The following SCN7A variants were observed in gnomAD, a reference collection of about 807,000 sequenced individuals.
The protein encoded by SCN7A is sodium channel protein type 7 subunit alpha.
SCN7A carries 138 observed loss-of-function variants against 155.2 expected under a neutral mutation model. The observed-to-expected ratio is 0.89, with a 90% CI of 0.77 to 1.02. The LOEUF (loss-of-function observed/expected upper bound fraction) is 1.02. Among genes scored for constraint, SCN7A ranks in the 50% least tolerant of loss-of-function variants. The pLI, the probability that SCN7A is intolerant of heterozygous loss-of-function variation, is 0.00. For synonymous variants in SCN7A, 693 were observed against 649.0 expected (o/e 1.07, Z -1.03); for missense variants, 2,058 against 1,986.6 (o/e 1.04, Z -0.68).
chr2:166,487,201 C>T (rs1703072469), intron 1 of SCN7A, among the ~76,000 whole-genome samples: 1 of 152,134 alleles, frequency 6.6e-6, no homozygotes, highest in Admixed American at 6.6e-5. Flanking sequence ...TAATTACATC[C>T]TTTTTCCTTT....
At chr2:166,413,030 G>C in intron 22 of SCN7A, 38 bp downstream of exon 22, 1 of 1,406,246 alleles carries the variant, frequency 7.1e-7, no homozygotes, top group Non-Finnish European at 9.7e-7. Context: ...GACTTTGCTT[G>C]TATCCTAACA....
intron 2 of SCN7A, among the ~76,000 whole-genome samples, 188 bp from the exon 3 acceptor site, chr2:166,477,898 T>C (rs191000141): frequency 3.5e-4 from 54 of 152,130 alleles, no homozygotes; most frequent in Non-Finnish European, 6.5e-4. Context: ...TGTAATTTCA[T>C]GAGTAACTCA....
Position 166,409,860 on chromosome 2 carries a change from A to G in SCN7A, c.3787T>C (p.Phe1263Leu), listed in dbSNP as rs562440457. Residue 1263 changes from phenylalanine (F) to leucine (L), a missense_variant, in exon 25 of 26, where the codon TTC (phenylalanine) becomes CTC (leucine). Physicochemically the swap from Phe to Leu is conservative, Grantham distance 22. Coordinates refer to ENST00000643258, the MANE Select transcript of SCN7A (RefSeq NM_002976.4). ...TCTATCATCATGGCTATTGCTTGGA[A>G]ACATATAAGAACCATAACAATGACA... ...FNVIVMVLIC[F>L]QAIAMMIDTD... 33 of 1,568,876 alleles carry G rather than the reference A, an allele frequency of 2.1e-5. No homozygotes were observed. In the South Asian group the frequency reaches 3.9e-4, roughly 18 times the overall value.
At chr2:166,480,532 A>T (rs926891083) in intron 2 of SCN7A, among the ~76,000 whole-genome samples, 1 of 151,794 alleles carries the variant, frequency 6.6e-6, no homozygotes, top group African/African-American at 2.4e-5. Flanking sequence ...GAGATCCTTG[A>T]ATATATATTA....
Position 166,441,480 on chromosome 2 carries a change from C to T in SCN7A, c.2073G>A (p.Glu691=), listed in dbSNP as rs1701958262. The T allele has an allele frequency of 6.2e-7, 1 of 1,614,016 alleles. No homozygotes were observed. Among genetic ancestry groups the T allele is most frequent in the Non-Finnish European group, 8.5e-7 (1 of 1,179,954 alleles). ...VFRILCGEWV[E]TLWDCMEVAG... ...CAACCTCCATACAGTCCCACAAGGTCTCTACCCACTCTCCACAGAGAATTC... is the reference window on the plus strand; with the variant it reads ...CAACCTCCATACAGTCCCACAAGGTTTCTACCCACTCTCCACAGAGAATTC... The change falls in exon 15 of 26, where the codon GAG becomes GAA. Residue 691 remains glutamate, a synonymous_variant. Coordinates refer to ENST00000643258, the MANE Select transcript of SCN7A (RefSeq NM_002976.4).
rs550707237 is a variant in SCN7A at position 166,474,534 on chromosome 2, C to T, written c.235-190G>A. Reference sequence around the variant, plus strand: ...ATGTTTTTATTCATATTTAGGCTTGCCTATTTATCTACCATTTTTGTTTTT... The same window carrying T: ...ATGTTTTTATTCATATTTAGGCTTGTCTATTTATCTACCATTTTTGTTTTT... On this transcript the variant is annotated intron_variant, in intron 3 of 25. Transcript: ENST00000643258. Among the ~76,000 whole-genome samples the T allele has an allele frequency of 5.9e-5, 9 of 151,504 alleles. No individual in the cohort carries two copies. In the South Asian group the frequency reaches 1.9e-3, roughly 32 times the overall value.
At chr2:166,437,233 G>A (rs1701858203) in intron 15 of SCN7A, among the ~76,000 whole-genome samples, 1 of 152,200 alleles carries the variant, frequency 6.6e-6, no homozygotes, top group African/African-American at 2.4e-5. Flanking sequence ...TCCCAGCTGT[G>A]GCCAAAAGGG....
At position 166,421,306 on chromosome 2, in the gene SCN7A, T is replaced by C; in HGVS notation, c.3028-9A>G. 1 of 1,436,676 alleles carries C rather than the reference T, an allele frequency of 7.0e-7. No individual in the cohort carries two copies. Among genetic ancestry groups the C allele is most frequent in the Non-Finnish European group, 9.3e-7 (1 of 1,080,172 alleles). The allele number at this position is 1,436,676 out of a possible 1,614,324, so 89.0% of individuals were successfully genotyped here. ...AAGCTAAGACAAAACACCTATATATTTTTTTTAAAAAAAGAGTGAATAGGA... is the reference window on the plus strand; with the variant it reads ...AAGCTAAGACAAAACACCTATATATCTTTTTTAAAAAAAGAGTGAATAGGA... On this transcript the variant is annotated splice_polypyrimidine_tract_variant and intron_variant, in intron 19 of 25. Coordinates refer to ENST00000643258, the MANE Select transcript of SCN7A (RefSeq NM_002976.4).
At position 166,447,228 on chromosome 2, in the gene SCN7A, A is replaced by G. The variant is rs903466822; in HGVS notation, c.1387+384T>C. ...TGTGACTTACAATGTCTAGATATACATGCTTTACAAATTAATGCCTTTTGA... is the reference window on the plus strand; with the variant it reads ...TGTGACTTACAATGTCTAGATATACGTGCTTTACAAATTAATGCCTTTTGA... On this transcript the variant is annotated intron_variant, in intron 12 of 25. Transcript: ENST00000643258. Among the ~76,000 whole-genome samples the G allele has an allele frequency of 3.3e-4, 50 of 152,318 alleles. 1 individual carries two copies. Among genetic ancestry groups the G allele is most frequent in the Non-Finnish European group, 2.5e-4 (17 of 68,028 alleles).
rs752293778 is a variant in SCN7A, at chr2:166,405,637, T to C, written c.4992A>G (p.Lys1664=). The change falls in exon 26 of 26, where the codon AAA becomes AAG. Residue 1664 remains lysine (K), a synonymous_variant. Transcript: ENST00000643258. The part of the protein sequence containing the change: ...IDGDRDVHAT[K]EGAYFDKAKE... ...TAGCTTTGTCAAAATAGGCACCTTC[T>C]TTAGTAGCATGAACATCTCTGTCAC... is the stretch of plus-strand genomic sequence containing the variant. The C allele has an allele frequency of 6.2e-7, 1 of 1,611,138 alleles. No individual in the cohort carries two copies. The highest frequency in any genetic ancestry group is 1.1e-5 in the South Asian group (1 of 90,516).
At position 166,404,215 on chromosome 2, in the gene SCN7A, T is replaced by C. The variant is rs1701017168; in HGVS notation, c.*1365A>G. 6.6e-6 allele frequency: 1 copy of C among 151,920 alleles called. No homozygotes were observed. 9.4% of individuals were successfully genotyped at this position (151,920 alleles called of 1,614,324 possible). On this transcript the variant is annotated 3_prime_UTR_variant, in exon 26 of 26. Coordinates refer to ENST00000643258, the MANE Select transcript of SCN7A (RefSeq NM_002976.4). ...CACATTGAAATCAATCTTCATAAAGTTGGAATAACTCTCAGAATCTCAAAC... is the reference window on the plus strand; with the variant it reads ...CACATTGAAATCAATCTTCATAAAGCTGGAATAACTCTCAGAATCTCAAAC...
intron 12 of SCN7A, among the ~76,000 whole-genome samples, 186 bp downstream of exon 12, chr2:166,447,426 T>A (rs1262999551): frequency 1.3e-5 from 2 of 152,218 alleles, no homozygotes; most frequent in African/African-American, 4.8e-5. Context: ...CTTTGGTCAC[T>A]CTTTCCAATG....
intron 3 of SCN7A, 104 bp downstream of exon 3, chr2:166,477,359 C>A: frequency 3.9e-6 from 3 of 772,280 alleles, no homozygotes; most frequent in Admixed American, 3.5e-5. Context: ...CAGATCTTTC[C>A]CTGTTTTTCA....
intron 1 of SCN7A, among the ~76,000 whole-genome samples, chr2:166,489,772 G>A (rs1041772962): frequency 6.6e-6 from 1 of 151,996 alleles, no homozygotes; most frequent in Non-Finnish European, 1.5e-5. Context: ...GTCCAGTTTG[G>A]CTTCAGGTTC....
At chr2:166,431,878 C>T (rs1382603685) in intron 16 of SCN7A, among the ~76,000 whole-genome samples, 1 of 151,986 alleles carries the variant, frequency 6.6e-6, no homozygotes, top group East Asian at 1.9e-4. Flanking sequence ...TTCAATCTCC[C>T]ATTTTAAGAT....
rs565156021 is a variant in SCN7A at position 166,431,019 on chromosome 2, T to A, written c.2592+1299A>T. 7.8e-4 allele frequency among the ~76,000 whole-genome samples: 119 copies of A among 152,100 alleles called. 1 individual carries two copies. The highest frequency in any genetic ancestry group is 6.8e-3 in the Middle Eastern group (2 of 294). On this transcript the variant is annotated intron_variant, in intron 16 of 25. Transcript: ENST00000643258. ...ATGCAGCATAAATAAAAACTGCAAT[T>A]TCAATATTTACAGTTATTTTAAGTT...
intron 2 of SCN7A, among the ~76,000 whole-genome samples, chr2:166,482,776 AT>A (rs1186717948): frequency 2.0e-5 from 3 of 151,314 alleles, no homozygotes; most frequent in African/African-American, 7.3e-5. Context: ...AAAAAAAAAA[AT>A]GCAAGCACTT....
intron 12 of SCN7A, among the ~76,000 whole-genome samples, chr2:166,447,333 T>C (rs1702085495): frequency 6.6e-6 from 1 of 152,190 alleles, no homozygotes; most frequent in South Asian, 2.1e-4. Context: ...ATATTAATGT[T>C]ATATACCACA....
rs1156730503 is a variant in SCN7A, at chr2:166,432,559, A to G, written c.2351T>C (p.Val784Ala). Residue 784 changes from valine (V) to alanine (A), a missense_variant, in exon 16 of 26, where the codon GTA becomes GCA. Val to Ala is a moderately conservative substitution (Grantham distance 64). Coordinates refer to ENST00000643258, the MANE Select transcript of SCN7A (RefSeq NM_002976.4). Reference protein sequence around the residue: ...PKDTMDHVNEVYVKEDISDHT... With the variant: ...PKDTMDHVNEAYVKEDISDHT... ...GTCAGAAATATCTTCTTTAACATAT[A>G]CCTCATTTACATGGTCCATTGTGTC... The G allele has an allele frequency of 6.2e-7, 1 of 1,613,398 alleles. No individual in the cohort carries two copies. Among genetic ancestry groups the G allele is most frequent in the Non-Finnish European group, 8.5e-7 (1 of 1,179,556 alleles).
Sources: gnomAD v4.1 joint callset for allele counts (sites outside exome capture counted in the v4.1 genomes callset) on GRCh38, gnomAD v4.1.1 for gene constraint, MANE v1.5 for transcripts, NCBI Gene and HGNC (gene_info 2026-07-23, HGNC 2026-07-21) for gene names.